CPNE4: variants seen among roughly 807,000 people sequenced by gnomAD.
CPNE4 encodes copine-4.
A neutral mutation model predicts 67.9 loss-of-function variants in CPNE4; 25 were observed. The ratio of observed to expected loss-of-function variants is 0.37; its 90% confidence interval spans 0.27 to 0.51. The LOEUF is 0.51. CPNE4 is among the 20% of genes least tolerant of loss of function. The probability of loss-of-function intolerance (pLI) is 0.93; values close to 1 mark genes in which losing one functional copy is unlikely to be tolerated. For missense variants in CPNE4, 464 were observed against 690.8 expected (o/e 0.67, Z 3.68); for synonymous variants, 242 against 244.9 (o/e 0.99, Z 0.11).
intron 7 of CPNE4, among the ~76,000 whole-genome samples, chr3:131,629,885 G>A (rs2079174731): frequency 6.6e-6 from 1 of 152,076 alleles, no homozygotes; most frequent in African/African-American, 2.4e-5. Flanking sequence ...AGGCATTTGT[G>A]AATGTGGTCT....
chr3:131,770,274 G>C (rs988741364), intron 2 of CPNE4, among the ~76,000 whole-genome samples: 4 of 152,178 alleles, frequency 2.6e-5, no homozygotes, highest in African/African-American at 9.7e-5. Context: ...GAATAAATCA[G>C]GAGACAGACA....
intron 1 of CPNE4, among the ~76,000 whole-genome samples, chr3:131,941,251 A>G (rs1342185648): frequency 6.6e-6 from 1 of 152,088 alleles, no homozygotes; most frequent in Non-Finnish European, 1.5e-5. Flanking sequence ...AAGGTAATAA[A>G]TACCCCAAAA....
intron 1 of CPNE4, among the ~76,000 whole-genome samples, chr3:131,972,977 G>A (rs2072544209): frequency 6.6e-6 from 1 of 152,018 alleles, no homozygotes; most frequent in Non-Finnish European, 1.5e-5. Flanking sequence ...AAAAGAATTG[G>A]AGCATACAAA....
At chr3:131,602,192 A>C (rs1939244187) in intron 7 of CPNE4, among the ~76,000 whole-genome samples, 1 of 152,116 alleles carries the variant, frequency 6.6e-6, no homozygotes, top group Non-Finnish European at 1.5e-5. Flanking sequence ...CACTACACAG[A>C]ATACCCAGGA....
chr3:132,023,724 T>C (rs1182547624), intron 1 of CPNE4, among the ~76,000 whole-genome samples: 1 of 152,134 alleles, frequency 6.6e-6, no homozygotes, highest in Non-Finnish European at 1.5e-5. Context: ...CCTGACCTCG[T>C]GATCCGCCCT....
chr3:131,952,404 C>T (rs866234749), intron 1 of CPNE4, among the ~76,000 whole-genome samples: 3,200 of 148,726 alleles, frequency 0.022, 31 homozygotes, highest in Middle Eastern at 0.043. Context: ...CCTCTCCGCC[C>T]GGCAGCCACC....
chr3:131,736,556 G>C (rs1019013549), intron 2 of CPNE4, among the ~76,000 whole-genome samples: 1 of 150,172 alleles, frequency 6.7e-6, no homozygotes, highest in African/African-American at 2.5e-5. Flanking sequence ...GGAGGCGGAG[G>C]TTGAGCGGAG....
chr3:131,993,562 A>T (rs1157918935), intron 1 of CPNE4, among the ~76,000 whole-genome samples: 2 of 132,350 alleles, frequency 1.5e-5, no homozygotes, highest in African/African-American at 5.0e-5. Context: ...GTTCTGCATA[A>T]GACCAACATC....
At chr3:132,031,059 A>G (rs1034274915) in intron 1 of CPNE4, among the ~76,000 whole-genome samples, 5 of 152,200 alleles carry the variant, frequency 3.3e-5, no homozygotes, top group Non-Finnish European at 4.4e-5. Context: ...TGAAAAGAAA[A>G]TATTATAAGA....
rs866103317 is a variant in CPNE4, at chr3:131,941,709, A to C, written c.-1-36265T>G. Among the ~76,000 whole-genome samples the C allele has an allele frequency of 2.6e-5, 4 of 152,256 alleles. No homozygotes were observed. The South Asian group carries it at 8.3e-4, about 32-fold the overall frequency. On this transcript the variant is annotated intron_variant, in intron 1 of 15. Transcript: ENST00000429747. Reference sequence around the variant, plus strand: ...ATACATATTTTAAAAACTGAGATTAAGCCAACCACTTTCTCAGAGTCCCCT... The same window carrying C: ...ATACATATTTTAAAAACTGAGATTACGCCAACCACTTTCTCAGAGTCCCCT...
chr3:131,997,605 G>A (rs1343531664), intron 1 of CPNE4, among the ~76,000 whole-genome samples: 1 of 152,122 alleles, frequency 6.6e-6, no homozygotes. Flanking sequence ...TCCATTGGTA[G>A]TATTAATGTA....
chr3:132,004,394 A>G (rs1190540734), intron 1 of CPNE4, among the ~76,000 whole-genome samples: 1 of 152,118 alleles, frequency 6.6e-6, no homozygotes, highest in Non-Finnish European at 1.5e-5. Context: ...GGATGCATGT[A>G]TGTCTGCATA....
At chr3:131,581,915 T>C (rs924270370) in intron 8 of CPNE4, among the ~76,000 whole-genome samples, 1 of 152,250 alleles carries the variant, frequency 6.6e-6, no homozygotes, top group African/African-American at 2.4e-5. Flanking sequence ...GTTACTTGAT[T>C]GCTCTATGTC....
intron 2 of CPNE4, among the ~76,000 whole-genome samples, chr3:131,830,811 T>C (rs373969611): frequency 3.3e-5 from 5 of 152,282 alleles, no homozygotes; most frequent in Admixed American, 2.0e-4. Context: ...ATGCTTAGCA[T>C]ATAGTAGGTA....
At chr3:131,677,888 T>C (rs7611606) in intron 6 of CPNE4, among the ~76,000 whole-genome samples, 1,863 of 152,306 alleles carry the variant, frequency 0.012, 32 homozygotes, top group African/African-American at 0.042. Flanking sequence ...TTTGTTCTTT[T>C]TGCTTTGGAT....
At chr3:131,655,475 G>T (rs1453811504) in intron 7 of CPNE4, among the ~76,000 whole-genome samples, 1 of 152,182 alleles carries the variant, frequency 6.6e-6, no homozygotes, top group Non-Finnish European at 1.5e-5. Flanking sequence ...AAGGCCAGCT[G>T]GTCTGCAGGG....
chr3:131,623,084 A>G (rs970313446), intron 7 of CPNE4, among the ~76,000 whole-genome samples: 1 of 152,114 alleles, frequency 6.6e-6, no homozygotes, highest in Non-Finnish European at 1.5e-5. Context: ...CAGGTATTTA[A>G]TTGGAGACTA....
At chr3:131,624,899 G>T (rs1490115691) in intron 7 of CPNE4, among the ~76,000 whole-genome samples, 1 of 152,186 alleles carries the variant, frequency 6.6e-6, no homozygotes, top group Non-Finnish European at 1.5e-5. Flanking sequence ...CTTGACCCCA[G>T]AACTGCACTT....
intron 1 of CPNE4, among the ~76,000 whole-genome samples, chr3:132,033,401 GTGTC>G (rs895386420): frequency 2.0e-5 from 1 of 49,532 alleles, no homozygotes; most frequent in Non-Finnish European, 6.1e-5. Flanking sequence ...GTGTGTGTGT[GTGTC>G]TGTGTGTGTG....
Sources: allele counts gnomAD v4.1 joint callset (sites outside exome capture counted in the v4.1 genomes callset), GRCh38; gene constraint gnomAD v4.1.1; transcripts MANE v1.5; gene names NCBI Gene and HGNC (gene_info 2026-07-23, HGNC 2026-07-21).